The following MET variants were observed in gnomAD, a reference collection of about 807,000 sequenced individuals.
MET encodes hepatocyte growth factor receptor.
In MET, 48 loss-of-function variants were observed where a neutral mutation model predicts 133.1. That is an observed-to-expected ratio of 0.36 (90% CI 0.29 to 0.46). The LOEUF (loss-of-function observed/expected upper bound fraction) is 0.46, where lower values mean the gene tolerates loss of function less well. MET is among the 20% of genes least tolerant of loss of function. The pLI, the probability that MET is intolerant of heterozygous loss-of-function variation, is 1.00. For missense variants in MET, 1,442 were observed against 1,695.9 expected (o/e 0.85, Z 2.63); for synonymous variants, 628 against 616.5 (o/e 1.02, Z -0.28).
At chr7:116,778,060 G>C (rs1466797520) in intron 16 of MET, among the ~76,000 whole-genome samples, 1 of 152,138 alleles carries the variant, frequency 6.6e-6, no homozygotes, top group Non-Finnish European at 1.5e-5. Context: ...AGCTGTTATT[G>C]AGAAAATCTT....
intron 5 of MET, among the ~76,000 whole-genome samples, chr7:116,751,788 G>A (rs564586978): frequency 5.3e-5 from 8 of 152,270 alleles, no homozygotes; most frequent in South Asian, 2.1e-4. Flanking sequence ...CAGGCCGGGC[G>A]TGGTGGCTCA....
chr7:116,720,235 CT>C (rs1214697791), intron 2 of MET, among the ~76,000 whole-genome samples: 1 of 143,314 alleles, frequency 7.0e-6, no homozygotes. Context: ...GTATTTTATT[CT>C]CTTTGAAGCA....
rs953086220 is a variant in MET, at chr7:116,797,804, C to T, written c.*1680C>T. On this transcript the variant is annotated 3_prime_UTR_variant, in exon 21 of 21. Coordinates refer to ENST00000397752, the MANE Select transcript of MET (RefSeq NM_000245.4). ...TTGCCAATACACCCCACCCTCATTA[C>T]ATCATCAGGACTTGAAGCCAAGGGT... The T allele has an allele frequency of 2.2e-5, 5 of 224,994 alleles. No homozygotes were observed. The East Asian group carries it at 2.6e-4, about 12-fold the overall frequency. 13.9% of individuals were successfully genotyped at this position (224,994 alleles called of 1,614,324 possible).
At chr7:116,709,622 C>A (rs1024744238) in intron 2 of MET, among the ~76,000 whole-genome samples, 2 of 152,034 alleles carry the variant, frequency 1.3e-5, no homozygotes, top group African/African-American at 4.8e-5. Context: ...AGGGCTTATT[C>A]CTGTGCCTAC....
At chr7:116,760,609 T>C (rs1794363429) in intron 10 of MET, among the ~76,000 whole-genome samples, 1 of 152,194 alleles carries the variant, frequency 6.6e-6, no homozygotes, top group Non-Finnish European at 1.5e-5. Context: ...AGCACTTCCT[T>C]TTAGATTCTC....
chr7:116,714,388 A>C (rs959940426), intron 2 of MET, among the ~76,000 whole-genome samples: 2 of 152,142 alleles, frequency 1.3e-5, no homozygotes, highest in Non-Finnish European at 2.9e-5. Context: ...CCAAGTATTT[A>C]TCTCTCTTTT....
At chr7:116,728,771 G>C (rs1435697337) in intron 2 of MET, among the ~76,000 whole-genome samples, 1 of 152,158 alleles carries the variant, frequency 6.6e-6, no homozygotes, top group Non-Finnish European at 1.5e-5. Context: ...TCCTCTTGTT[G>C]ATAGAAGGCA....
chr7:116,789,604 A>G (rs1795422359), intron 19 of MET, among the ~76,000 whole-genome samples: 1 of 151,992 alleles, frequency 6.6e-6, no homozygotes, highest in Non-Finnish European at 1.5e-5. Flanking sequence ...AACCAGATTT[A>G]TTTTCTGTCT....
Position 116,769,775 on chromosome 7 carries a change from G to A in MET, c.2714G>A (p.Ser905Asn), listed in dbSNP as rs753091019. Residue 905 changes from serine to asparagine, a missense_variant, in exon 12 of 21, where the codon AGC becomes AAC. Transcript: ENST00000397752. ...TVPNDLLKLN[S>N]ELNIEWKQAI... ...CCCAATGACCTGCTGAAATTGAACA[G>A]CGAGCTAAATATAGAGGTGGGATTC... The A allele has an allele frequency of 1.9e-6, 3 of 1,613,816 alleles. No individual in the cohort carries two copies. The highest frequency in any genetic ancestry group is 1.7e-5 in the Admixed American group (1 of 59,980).
chr7:116,681,773 A>G (rs146094122), intron 1 of MET, among the ~76,000 whole-genome samples: 2 of 152,328 alleles, frequency 1.3e-5, no homozygotes, highest in Admixed American at 6.5e-5. Context: ...TCTCACAACC[A>G]TCTGGTTAAT....
intron 1 of MET, among the ~76,000 whole-genome samples, chr7:116,697,710 G>A (rs916331630): frequency 5.3e-5 from 8 of 152,172 alleles, no homozygotes; most frequent in African/African-American, 1.9e-4. Flanking sequence ...AGCAGACCTT[G>A]TCCTTGCTCT....
intron 14 of MET, among the ~76,000 whole-genome samples, chr7:116,773,796 A>G (rs1794907432): frequency 1.3e-5 from 2 of 152,214 alleles, no homozygotes; most frequent in South Asian, 4.1e-4. Flanking sequence ...TTCATTTATT[A>G]TTAATCAAAC....
intron 2 of MET, among the ~76,000 whole-genome samples, chr7:116,729,314 T>G (rs1327236305): frequency 6.6e-6 from 1 of 152,228 alleles, no homozygotes; most frequent in Non-Finnish European, 1.5e-5. Flanking sequence ...AAGTTTCTAT[T>G]TGCTAATTTA....
At chr7:116,727,737 C>T (rs1280163081) in intron 2 of MET, among the ~76,000 whole-genome samples, 1 of 152,198 alleles carries the variant, frequency 6.6e-6, no homozygotes. Context: ...AGCTAGGCCC[C>T]AGCCCCACCT....
At chr7:116,688,973 C>T (rs1796676384) in intron 1 of MET, among the ~76,000 whole-genome samples, 1 of 152,206 alleles carries the variant, frequency 6.6e-6, no homozygotes, top group Non-Finnish European at 1.5e-5. Context: ...TTAATTATAA[C>T]ACATGCAAAT....
chr7:116,704,219 A>G (rs566550417), intron 2 of MET, among the ~76,000 whole-genome samples: 2 of 152,222 alleles, frequency 1.3e-5, no homozygotes, highest in Admixed American at 1.3e-4. Context: ...GATAATATAT[A>G]TGAGGTACCT....
intron 2 of MET, among the ~76,000 whole-genome samples, chr7:116,701,676 TA>T (rs535349765): frequency 3.9e-5 from 6 of 152,222 alleles, no homozygotes; most frequent in Non-Finnish European, 5.9e-5. Flanking sequence ...AAAGAAGCAA[TA>T]GAATTCCTTA....
At chr7:116,748,494 G>T (rs1341234379) in intron 5 of MET, among the ~76,000 whole-genome samples, 1 of 152,156 alleles carries the variant, frequency 6.6e-6, no homozygotes, top group Non-Finnish European at 1.5e-5. Context: ...AGGGAAATTT[G>T]TAGCACTAAA....
chr7:116,711,396 TTGG>T (rs1791987577), intron 2 of MET, among the ~76,000 whole-genome samples: 1 of 152,240 alleles, frequency 6.6e-6, no homozygotes, highest in Non-Finnish European at 1.5e-5. Context: ...AGTTGCTGGT[TTGG>T]TGACAACTAA....
Sources: gnomAD v4.1 joint callset for allele counts (sites outside exome capture counted in the v4.1 genomes callset) on GRCh38, gnomAD v4.1.1 for gene constraint, MANE v1.5 for transcripts, NCBI Gene and HGNC (gene_info 2026-07-23, HGNC 2026-07-21) for gene names.